The following YIPF1 variants were observed in gnomAD, a reference collection of about 807,000 sequenced individuals.
The protein encoded by YIPF1 is protein YIPF1.
Under a neutral mutation model 37.0 loss-of-function variants are expected in YIPF1, and 22 were observed. The ratio of observed to expected loss-of-function variants is 0.59; its 90% CI spans 0.42 to 0.85. The LOEUF (loss-of-function observed/expected upper bound fraction) is 0.85, where lower values mean the gene tolerates loss of function less well. YIPF1 is among the 40% of genes least tolerant of loss of function. The pLI, the probability that YIPF1 is intolerant of heterozygous loss-of-function variation, is 0.00. For synonymous variants in YIPF1, 128 were observed against 131.9 expected (o/e 0.97, Z 0.21); for missense variants, 355 against 373.1 (o/e 0.95, Z 0.40).
intron 9 of YIPF1, among the ~76,000 whole-genome samples, chr1:53,860,833 G>T (rs1023570379): frequency 1.3e-5 from 2 of 152,190 alleles, no homozygotes; most frequent in African/African-American, 4.8e-5. Flanking sequence ...GGAGGTAAAG[G>T]AGGGAAGACA....
rs763025732 is a variant in YIPF1, at chr1:53,871,532, T to C, written c.365-44A>G. The C allele has an allele frequency of 3.5e-6, 5 of 1,449,092 alleles. No individual in the cohort carries two copies. In the Admixed American group the frequency reaches 6.9e-5, roughly 20 times the overall value. 89.8% of individuals were successfully genotyped at this position (1,449,092 alleles called of 1,614,324 possible). ...AATTCAGAAACAAGAAAATGAAGCA[T>C]AAGCCTTTAGATTCTTACAGAATTT... On this transcript the variant is annotated intron_variant, in intron 6 of 10. Transcript: ENST00000072644.
At position 53,885,664 on chromosome 1, in the gene YIPF1, C is replaced by T. The variant is rs1030506614; in HGVS notation, c.32-2388G>A. Among the ~76,000 whole-genome samples the T allele has an allele frequency of 2.0e-5, 3 of 151,418 alleles. 1 individual carries two copies. The highest frequency in any genetic ancestry group is 7.3e-5 in the African/African-American group (3 of 41,006). On this transcript the variant is annotated intron_variant, in intron 3 of 10. Transcript: ENST00000072644. ...GGTAAAAACCCATCTCTACTAAAAA[C>T]ATAAAAATTAGCTAGGCATGTTGGT...
At chr1:53,871,314 A>G in intron 7 of YIPF1, 58 bp downstream of exon 7, 1 of 1,523,286 alleles carries the variant, frequency 6.6e-7, no homozygotes, top group Non-Finnish European at 9.1e-7. Flanking sequence ...TCAGTGGGTA[A>G]AAAGAACTCA....
chr1:53,856,473 G>A (rs549465432), intron 10 of YIPF1, among the ~76,000 whole-genome samples: 5 of 152,144 alleles, frequency 3.3e-5, no homozygotes, highest in Non-Finnish European at 5.9e-5. Context: ...AGCTGGGCTC[G>A]AATTGTCTCG....
intron 3 of YIPF1, 130 bp downstream of exon 3, chr1:53,888,777 G>A: frequency 1.1e-5 from 10 of 929,338 alleles, no homozygotes; most frequent in Non-Finnish European, 1.6e-5. Context: ...ACACCTGGAT[G>A]TGGCCAACAG....
At chr1:53,871,301 A>G (rs1650184841) in intron 7 of YIPF1, 71 bp downstream of exon 7, 1 of 1,353,486 alleles carries the variant, frequency 7.4e-7, no homozygotes, top group South Asian at 1.2e-5. Flanking sequence ...GGGGCCCAGG[A>G]GCTCAGTGGG....
At chr1:53,876,875 C>A (rs114224204) in intron 6 of YIPF1, among the ~76,000 whole-genome samples, 1 of 152,128 alleles carries the variant, frequency 6.6e-6, no homozygotes, top group Admixed American at 6.6e-5. Context: ...TCTGTAACTA[C>A]GGGCAAGTTA....
At chr1:53,872,663 C>A (rs968737653) in intron 6 of YIPF1, among the ~76,000 whole-genome samples, 1 of 152,132 alleles carries the variant, frequency 6.6e-6, no homozygotes, top group African/African-American at 2.4e-5. Context: ...ATTTCAGGTA[C>A]CTTGACACGT....
chr1:53,869,096 GAGGGGAAGAAAAGAAGGA>G (rs879594623), intron 7 of YIPF1, among the ~76,000 whole-genome samples: 49 of 151,992 alleles, frequency 3.2e-4, no homozygotes, highest in Non-Finnish European at 5.7e-4. Context: ...ATGGAAGGTA[GAGGGGAAGAAAAGAAGGA>G]AGGATACATG....
At chr1:53,884,120 A>T (rs752313435) in intron 3 of YIPF1, among the ~76,000 whole-genome samples, 15 of 151,604 alleles carry the variant, frequency 9.9e-5, no homozygotes, top group Non-Finnish European at 1.6e-4. Flanking sequence ...CTATAATTCC[A>T]GCACTTTGGG....
intron 9 of YIPF1, among the ~76,000 whole-genome samples, chr1:53,864,984 C>T (rs1265803582): frequency 6.6e-6 from 1 of 152,152 alleles, no homozygotes; most frequent in African/African-American, 2.4e-5. Context: ...TTCACACAGC[C>T]AATGAGTGAC....
chr1:53,871,322 T>C, intron 7 of YIPF1, 50 bp downstream of exon 7: 2 of 1,556,918 alleles, frequency 1.3e-6, no homozygotes, highest in Non-Finnish European at 1.8e-6. Flanking sequence ...TAAAAAGAAC[T>C]CAAAGCTAGA....
At chr1:53,887,182 C>A (rs1650677445) in intron 3 of YIPF1, among the ~76,000 whole-genome samples, 1 of 151,974 alleles carries the variant, frequency 6.6e-6, no homozygotes, top group African/African-American at 2.4e-5. Flanking sequence ...TGGGTTTGAG[C>A]AATTCTCCTG....
chr1:53,888,652 C>T (rs531962399), intron 3 of YIPF1, among the ~76,000 whole-genome samples: 21 of 152,268 alleles, frequency 1.4e-4, no homozygotes, highest in African/African-American at 2.2e-4. Flanking sequence ...AAAGCAGGAA[C>T]TGTGTAAGCA....
intron 4 of YIPF1, among the ~76,000 whole-genome samples, chr1:53,880,654 T>C (rs1650465744): frequency 6.6e-6 from 1 of 152,144 alleles, no homozygotes; most frequent in African/African-American, 2.4e-5. Flanking sequence ...CTACCTGACT[T>C]CAAACTAAAC....
intron 5 of YIPF1, 52 bp downstream of exon 5, chr1:53,878,590 A>C: frequency 6.4e-7 from 1 of 1,571,734 alleles, no homozygotes; most frequent in Non-Finnish European, 8.6e-7. Context: ...CAACCATTAA[A>C]GAAACAAGTC....
chr1:53,878,128 G>A (rs541579352), intron 6 of YIPF1, among the ~76,000 whole-genome samples, 187 bp downstream of exon 6: 65 of 152,314 alleles, frequency 4.3e-4, no homozygotes, highest in Admixed American at 1.5e-3. Flanking sequence ...TAATGATGAC[G>A]TGGCACTAAT....
At chr1:53,863,318 G>T (rs191298649) in intron 9 of YIPF1, among the ~76,000 whole-genome samples, 230 of 152,286 alleles carry the variant, frequency 1.5e-3, no homozygotes, top group Non-Finnish European at 2.4e-3. Context: ...TTTGGCCCGG[G>T]TACCAGCTGT....
intron 7 of YIPF1, among the ~76,000 whole-genome samples, chr1:53,870,160 CTTTTTTTTTTTTTTT>C (rs753978320): frequency 3.3e-5 from 3 of 91,196 alleles, no homozygotes; most frequent in African/African-American, 4.4e-5. Flanking sequence ...CACCGGGTCT[CTTTTTTTTTTTTTTT>C]TTTTTTTTTT....
Sources: gnomAD v4.1 joint callset for allele counts (sites outside exome capture counted in the v4.1 genomes callset) on GRCh38, gnomAD v4.1.1 for gene constraint, MANE v1.5 for transcripts, NCBI Gene and HGNC (gene_info 2026-07-23, HGNC 2026-07-21) for gene names.